The following FADS2 variants were observed in gnomAD, a reference collection of about 807,000 sequenced individuals.
FADS2 encodes the protein acyl-CoA 6-desaturase.
In FADS2, 18 loss-of-function variants were observed where a neutral mutation model predicts 61.2. The observed-to-expected ratio is 0.29, with a 90% confidence interval of 0.20 to 0.44. The LOEUF is 0.44. Among genes scored for constraint, FADS2 ranks in the 20% least tolerant of loss-of-function variants. FADS2 has a pLI of 1.00. For missense variants in FADS2, 322 were observed against 572.7 expected (o/e 0.56, Z 4.47); for synonymous variants, 203 against 223.9 (o/e 0.91, Z 0.83).
rs1169593400 is a variant in FADS2, at chr11:61,866,123, C to A, written c.*434C>A. On this transcript the variant is annotated 3_prime_UTR_variant, in exon 12 of 12. Coordinates refer to ENST00000278840, the MANE Select transcript of FADS2 (RefSeq NM_004265.4). ...CAGATGCTCTTGGGGTTCATAGGGG[C>A]AGGTCCTAGTCGGGCAGGGCCCCTG... The A allele has an allele frequency of 2.5e-6, 1 of 400,152 alleles. No homozygotes were observed. Among genetic ancestry groups the A allele is most frequent in the Non-Finnish European group, 4.4e-6 (1 of 227,470 alleles). The allele number at this position is 400,152 out of a possible 1,614,324, so 24.8% of individuals were successfully genotyped here.
intron 2 of FADS2, among the ~76,000 whole-genome samples, chr11:61,838,424 GA>G (rs977854265): frequency 6.6e-6 from 1 of 152,154 alleles, no homozygotes; most frequent in Non-Finnish European, 1.5e-5. Context: ...GTTTATAGAA[GA>G]AAGTTGGGAC....
At chr11:61,857,940 G>A (rs1198647368) in intron 7 of FADS2, among the ~76,000 whole-genome samples, 1 of 152,236 alleles carries the variant, frequency 6.6e-6, no homozygotes, top group Non-Finnish European at 1.5e-5. Context: ...CGTTTGCGAA[G>A]ACCGTATGAC....
chr11:61,842,722 T>C (rs1042758687), intron 4 of FADS2, among the ~76,000 whole-genome samples: 4 of 152,052 alleles, frequency 2.6e-5, no homozygotes, highest in African/African-American at 9.7e-5. Context: ...GACATGGACA[T>C]GTGGCTCACT....
chr11:61,818,754 T>A (rs763920792), intron 1 of FADS2, among the ~76,000 whole-genome samples: 1 of 152,238 alleles, frequency 6.6e-6, no homozygotes, highest in African/African-American at 2.4e-5. Context: ...GAGAGGTCCT[T>A]TACATAAACC....
rs201836059 is a variant in FADS2, at chr11:61,857,448, C to G, written c.806-6C>G. 6.2e-7 allele frequency: 1 copy of G among 1,613,532 alleles called. No homozygotes were observed. Among genetic ancestry groups the G allele is most frequent in the African/African-American group, 1.3e-5 (1 of 74,930 alleles). On this transcript the variant is annotated splice_region_variant and splice_polypyrimidine_tract_variant and intron_variant, in intron 6 of 11. Transcript: ENST00000278840. The stretch of plus-strand genomic sequence containing the variant: ...ATGCCTCTAAGCGCCTGTCTCTCTC[C>G]TGCAGTTGGGCCGCCGCTGCTCATC...
At chr11:61,860,077 G>T (rs886108824) in intron 7 of FADS2, among the ~76,000 whole-genome samples, 1 of 152,260 alleles carries the variant, frequency 6.6e-6, no homozygotes, top group African/African-American at 2.4e-5. Context: ...TCAGAGCCAG[G>T]AGCGCACCTA....
chr11:61,818,256 T>C (rs1758865268), intron 1 of FADS2, among the ~76,000 whole-genome samples: 1 of 152,182 alleles, frequency 6.6e-6, no homozygotes, highest in Admixed American at 6.5e-5. Flanking sequence ...AGGTTCGAAA[T>C]GGGGAAGGGG....
chr11:61,841,213 G>A (rs2067214639), intron 4 of FADS2, among the ~76,000 whole-genome samples: 1 of 151,948 alleles, frequency 6.6e-6, no homozygotes, highest in African/African-American at 2.4e-5. Flanking sequence ...CACCATGCCT[G>A]ACTAATTTTT....
At chr11:61,856,585 T>C (rs1450306031) in intron 5 of FADS2, 1 of 161,098 alleles carries the variant, frequency 6.2e-6, no homozygotes, top group African/African-American at 2.4e-5. Flanking sequence ...CCCTGGGTGC[T>C]TATGCTCCGC....
intron 1 of FADS2, among the ~76,000 whole-genome samples, chr11:61,836,722 C>T (rs747842170): frequency 4.6e-5 from 7 of 152,206 alleles, no homozygotes; most frequent in South Asian, 2.1e-4. Context: ...ACCATGCTTC[C>T]GTACTTTTGT....
At chr11:61,863,658 G>A (rs756031716) in intron 9 of FADS2, 49 bp from the exon 10 acceptor site, 2 of 1,522,102 alleles carry the variant, frequency 1.3e-6, no homozygotes, top group Non-Finnish European at 1.8e-6. Context: ...ATGAGGCCGG[G>A]CCCTTGGGCC....
At chr11:61,825,462 A>G (rs1015347696), upstream of FADS2, among the ~76,000 whole-genome samples, 1 of 152,014 alleles carries the variant, frequency 6.6e-6, no homozygotes, top group East Asian at 1.9e-4. Flanking sequence ...TACTAAAAAT[A>G]TAAAAATTAG....
At chr11:61,841,942 A>C (rs2067221077) in intron 4 of FADS2, among the ~76,000 whole-genome samples, 1 of 152,240 alleles carries the variant, frequency 6.6e-6, no homozygotes, top group Non-Finnish European at 1.5e-5. Context: ...GTAGAAAGAC[A>C]AGCTGGAATT....
chr11:61,841,707 C>T (rs540180135), intron 4 of FADS2, among the ~76,000 whole-genome samples: 2 of 152,170 alleles, frequency 1.3e-5, no homozygotes, highest in East Asian at 1.9e-4. Flanking sequence ...TTTAGCCTTC[C>T]GTTATATATG....
Position 61,837,908 on chromosome 11 carries a change from T to G in FADS2, c.318+20T>G, listed in dbSNP as rs748828482. 12 of 1,563,146 alleles carry G rather than the reference T, an allele frequency of 7.7e-6. No homozygotes were observed. The highest frequency in any genetic ancestry group is 8.8e-7 in the Non-Finnish European group (1 of 1,137,850). ...AAGAACGTAAGTCTGGCTTGCAACC[T>G]GGGTGGGGGTGGAGACGAGGCTGGG... On this transcript the variant is annotated intron_variant, in intron 2 of 11. Transcript: ENST00000278840.
chr11:61,844,712 T>G (rs2067242890), intron 4 of FADS2, among the ~76,000 whole-genome samples: 1 of 151,580 alleles, frequency 6.6e-6, no homozygotes, highest in Admixed American at 6.6e-5. Context: ...GATCACAAGG[T>G]CAGAAGATCG....
chr11:61,865,338 A>G lies in FADS2; in HGVS notation c.1283+61A>G. On this transcript the variant is annotated intron_variant, in intron 11 of 11. Coordinates refer to ENST00000278840, the MANE Select transcript of FADS2 (RefSeq NM_004265.4). The surrounding 1 kb of genome is among the most constrained non-coding windows in gnomAD (Gnocchi z 4.1). ...GATCACCCGTGGTGCAGACAGTGGG[A>G]TCACAAGAGGGGCTGGGCCCTCCTG... 6.3e-7 allele frequency: 1 copy of G among 1,589,636 alleles called. No homozygotes were observed. Among genetic ancestry groups the G allele is most frequent in the Non-Finnish European group, 8.6e-7 (1 of 1,167,774 alleles).
intron 4 of FADS2, among the ~76,000 whole-genome samples, chr11:61,845,166 G>A (rs1269458973): frequency 6.6e-6 from 1 of 150,718 alleles, no homozygotes; most frequent in Non-Finnish European, 1.5e-5. Flanking sequence ...TCCTCTCCCA[G>A]GGCCTCCCGT....
At chr11:61,824,435 G>GAGAGAGAGAGAGAGAGAGCGA (rs2067057669), upstream of FADS2, among the ~76,000 whole-genome samples, 1 of 4,632 alleles carries the variant, frequency 2.2e-4, no homozygotes. Flanking sequence ...AGAGAGAGAG[G>GAGAGAGAGAGAGAGAGAGCGA]GAGGGAGGGA....
Sources: allele counts gnomAD v4.1 joint callset (sites outside exome capture counted in the v4.1 genomes callset), GRCh38; gene constraint gnomAD v4.1.1; non-coding constraint Gnocchi (gnomAD v3.1); transcripts MANE v1.5; gene names NCBI Gene and HGNC (gene_info 2026-07-23, HGNC 2026-07-21).